HDAC9: variants seen among roughly 807,000 people sequenced by gnomAD.
The protein encoded by HDAC9 is MEF-2 interacting transcription repressor (MITR) protein.
In HDAC9, 41 loss-of-function variants were observed where a neutral mutation model predicts 139.4. That is an observed-to-expected ratio of 0.29 (90% CI 0.23 to 0.38). The LOEUF is 0.38. Among genes scored for constraint, HDAC9 ranks in the 10% least tolerant of loss-of-function variants. The pLI is 1.00. For missense variants in HDAC9, 1,147 were observed against 1,297.0 expected, an observed-to-expected ratio of 0.88 and a Z score of 1.78; for synonymous variants, 517 against 476.2, an observed-to-expected ratio of 1.09 and a Z score of -1.12.
chr7:18,570,209 T>C (rs1203084566), intron 2 of HDAC9, among the ~76,000 whole-genome samples: 1 of 152,140 alleles, frequency 6.6e-6, no homozygotes, highest in African/African-American at 2.4e-5. Flanking sequence ...AAAATGCTAA[T>C]TGCCTAGACT....
chr7:18,439,027 T>G (rs1200217520), intron 1 of HDAC9, among the ~76,000 whole-genome samples: 1 of 152,160 alleles, frequency 6.6e-6, no homozygotes, highest in Non-Finnish European at 1.5e-5. Context: ...GTATTTGTAC[T>G]TCCATATAAT....
intron 21 of HDAC9, among the ~76,000 whole-genome samples, chr7:18,847,733 TC>T (rs1797005728): frequency 6.6e-6 from 1 of 152,234 alleles, no homozygotes; most frequent in African/African-American, 2.4e-5. Flanking sequence ...GATTCCATCC[TC>T]CCCATTCTGG....
At chr7:18,635,905 T>C (rs1584420998) in intron 8 of HDAC9, among the ~76,000 whole-genome samples, 1 of 152,174 alleles carries the variant, frequency 6.6e-6, no homozygotes, top group East Asian at 1.9e-4. Flanking sequence ...TTTTGACTGA[T>C]ATGTCTCTGT....
chr7:18,783,486 A>G (rs1254312359), intron 16 of HDAC9, among the ~76,000 whole-genome samples: 1 of 152,094 alleles, frequency 6.6e-6, no homozygotes, highest in Non-Finnish European at 1.5e-5. Flanking sequence ...TTTTTATTAG[A>G]TTCAACAGAT....
At chr7:18,103,905 T>C (rs1783017992) in intron 1 of HDAC9, among the ~76,000 whole-genome samples, 1 of 152,210 alleles carries the variant, frequency 6.6e-6, no homozygotes, top group African/African-American at 2.4e-5. Context: ...CTTACACCAA[T>C]TCATGGTCTT....
chr7:18,462,187 C>T (rs573595047), intron 1 of HDAC9, among the ~76,000 whole-genome samples: 1 of 151,848 alleles, frequency 6.6e-6, no homozygotes, highest in East Asian at 1.9e-4. Flanking sequence ...ATGTTATAAG[C>T]AATTCCATCT....
chr7:18,269,367 C>A (rs951046569), intron 2 of HDAC9, among the ~76,000 whole-genome samples: 1 of 152,050 alleles, frequency 6.6e-6, no homozygotes, highest in African/African-American at 2.4e-5. Context: ...ATTTTCCAAG[C>A]AATTGAGCAG....
intron 1 of HDAC9, among the ~76,000 whole-genome samples, chr7:18,396,062 A>G (rs1017060072): frequency 8.2e-6 from 1 of 121,428 alleles, no homozygotes; most frequent in Non-Finnish European, 1.9e-5. Flanking sequence ...TGTCCTGCCA[A>G]TGACTCTCAA....
At chr7:18,547,282 C>A (rs779588576) in intron 2 of HDAC9, among the ~76,000 whole-genome samples, 8 of 152,154 alleles carry the variant, frequency 5.3e-5, no homozygotes, top group Non-Finnish European at 1.0e-4. Context: ...GTTGCCCAGG[C>A]TGGAGTGCAG....
chr7:18,253,817 G>A (rs1375146633), intron 2 of HDAC9, among the ~76,000 whole-genome samples: 1 of 152,158 alleles, frequency 6.6e-6, no homozygotes, highest in Non-Finnish European at 1.5e-5. Flanking sequence ...TGGAAACAAG[G>A]GAGGAAGAAG....
intron 23 of HDAC9, among the ~76,000 whole-genome samples, chr7:18,946,768 G>C (rs1354565557): frequency 2.0e-5 from 3 of 152,014 alleles, no homozygotes; most frequent in African/African-American, 7.2e-5. Flanking sequence ...GAAAATAAAA[G>C]TGAAGGGTGA....
At chr7:18,703,147 T>C (rs1783634247) in intron 12 of HDAC9, among the ~76,000 whole-genome samples, 1 of 152,194 alleles carries the variant, frequency 6.6e-6, no homozygotes, top group Non-Finnish European at 1.5e-5. Context: ...AAAAAACAGA[T>C]ACACTGAGTA....
chr7:18,140,001 A>C (rs977570904), intron 1 of HDAC9, among the ~76,000 whole-genome samples: 1 of 152,186 alleles, frequency 6.6e-6, no homozygotes, highest in Non-Finnish European at 1.5e-5. Flanking sequence ...GTTCTGTGGC[A>C]CAACGGTTGT....
intron 1 of HDAC9, among the ~76,000 whole-genome samples, chr7:18,159,908 A>G (rs1787506392): frequency 6.6e-6 from 1 of 152,180 alleles, no homozygotes; most frequent in Non-Finnish European, 1.5e-5. Context: ...AAGACTTGAT[A>G]TTTGTAAGTC....
chr7:18,143,642 T>C (rs1786073060), intron 1 of HDAC9, among the ~76,000 whole-genome samples: 1 of 151,894 alleles, frequency 6.6e-6, no homozygotes. Context: ...AAAAATTAGC[T>C]AGGCGTGGTG....
chr7:18,298,748 T>C (rs1027462511), intron 1 of HDAC9, among the ~76,000 whole-genome samples: 1 of 152,198 alleles, frequency 6.6e-6, no homozygotes, highest in African/African-American at 2.4e-5. Flanking sequence ...TAGGACACTC[T>C]TAGTCATATA....
At chr7:18,402,288 A>G (rs1361997942) in intron 1 of HDAC9, among the ~76,000 whole-genome samples, 2 of 152,220 alleles carry the variant, frequency 1.3e-5, no homozygotes, top group Non-Finnish European at 2.9e-5. Flanking sequence ...TCTGGAAAAC[A>G]GAGTAAGCTG....
At chr7:18,733,207 A>T (rs1220174260) in intron 13 of HDAC9, among the ~76,000 whole-genome samples, 7 of 148,454 alleles carry the variant, frequency 4.7e-5, no homozygotes, top group Non-Finnish European at 4.5e-5. Flanking sequence ...ACGTGTATAC[A>T]TGTGTCTATA....
intron 1 of HDAC9, among the ~76,000 whole-genome samples, chr7:18,411,614 A>G (rs1788560381): frequency 6.6e-6 from 1 of 152,042 alleles, no homozygotes; most frequent in Non-Finnish European, 1.5e-5. Flanking sequence ...TGACCTCGTG[A>G]TCTGCCTGCC....
Sources: gnomAD v4.1 joint callset for allele counts (sites outside exome capture counted in the v4.1 genomes callset) on GRCh38, gnomAD v4.1.1 for gene constraint, MANE v1.5 for transcripts, NCBI Gene and HGNC (gene_info 2026-07-23, HGNC 2026-07-21) for gene names.